The following KASH5 variants were observed in gnomAD, a reference collection of about 807,000 sequenced individuals.
KASH5 encodes the protein KASH domain containing 5, also known as protein KASH5.
A neutral mutation model predicts 84.2 loss-of-function variants in KASH5; 72 were observed. The ratio of observed to expected loss-of-function variants is 0.85; its 90% CI spans 0.71 to 1.04. The LOEUF (loss-of-function observed/expected upper bound fraction) is 1.04. Ranked by LOEUF, KASH5 falls within the 50% of genes least tolerant of loss-of-function variation. The pLI is 0.00. For synonymous variants in KASH5, 260 were observed against 279.1 expected (o/e 0.93, Z 0.68); for missense variants, 650 against 701.0 (o/e 0.93, Z 0.82).
In KASH5 at chr19:49,395,641, T is replaced by G; in HGVS notation, c.336-128T>G. On this transcript the variant is annotated intron_variant, in intron 4 of 19. Transcript: ENST00000447857. This position sits in a 1 kb window ranked among gnomAD's most constrained non-coding sequence, Gnocchi z 4.4. ...GGGCACTTGCCATCTGGCCTCACCC[T>G]CCTACCCTGTGGTGCCAGCTCTCAC... The G allele has an allele frequency of 1.1e-6, 1 of 918,054 alleles. No homozygotes were observed. Among genetic ancestry groups the G allele is most frequent in the Non-Finnish European group, 1.7e-6 (1 of 593,276 alleles). The allele number at this position is 918,054 out of a possible 1,614,324, so 56.9% of individuals were successfully genotyped here. A position where few individuals can be genotyped will look rare whatever the true frequency, so the allele number is the denominator to read the frequency against.
intron 2 of KASH5, 31 bp from the exon 3 acceptor site, chr19:49,394,445 A>T (rs1295160408): frequency 6.4e-7 from 1 of 1,564,042 alleles, no homozygotes; most frequent in Admixed American, 1.7e-5. Flanking sequence ...TATTCTTCCC[A>T]CTGGTGAGCT....
At chr19:49,411,031 C>G (rs1974693868) in intron 15 of KASH5, among the ~76,000 whole-genome samples, 1 of 152,002 alleles carries the variant, frequency 6.6e-6, no homozygotes, top group African/African-American at 2.4e-5. Flanking sequence ...CTCAATCTCC[C>G]TGGACTCAGG....
At chr19:49,396,211 C>T in intron 5 of KASH5, among the ~76,000 whole-genome samples, 1 of 151,088 alleles carries the variant, frequency 6.6e-6, no homozygotes, top group African/African-American at 2.4e-5. Flanking sequence ...TCAGGCTGTT[C>T]CCCTCCACTC....
chr19:49,393,682 C>CGTGCGTGTGTGT (rs1974075613), intron 2 of KASH5: 1 of 142,432 alleles, frequency 7.0e-6, no homozygotes, highest in Non-Finnish European at 1.5e-5. Context: ...GACCCCAGGA[C>CGTGCGTGTGTGT]GTGTGTGTGT....
In KASH5 at chr19:49,417,662, C is replaced by T. The variant is rs1364296487; in HGVS notation, c.*152C>T. 2 of 998,118 alleles carry T rather than the reference C, an allele frequency of 2.0e-6. No individual in the cohort carries two copies. Among genetic ancestry groups the T allele is most frequent in the Admixed American group, 3.6e-5 (1 of 27,900 alleles). The allele number at this position is 998,118 out of a possible 1,614,324, so 61.8% of individuals were successfully genotyped here. On this transcript the variant is annotated 3_prime_UTR_variant, in exon 20 of 20. Coordinates refer to ENST00000447857, the MANE Select transcript of KASH5 (RefSeq NM_144688.5). The surrounding 1 kb of genome is among the most constrained non-coding windows in gnomAD (Gnocchi z 5.2). ...ATCCCTGTATTTTTATGTGAAGTCT[C>T]CTAGTTTTTTAATGCTGACATTTCT...
At position 49,409,025 on chromosome 19, in the gene KASH5, C is replaced by A. The variant is rs1365672771; in HGVS notation, c.1052C>A (p.Pro351His). Residue 351 changes from proline to histidine, a missense_variant, in exon 13 of 20, where the codon CCC becomes CAC. Physicochemically the swap from Pro to His is moderately conservative, Grantham distance 77 (BLOSUM62 -2). Coordinates refer to ENST00000447857, the MANE Select transcript of KASH5 (RefSeq NM_144688.5). ...CAGCTGAGTCAGACCTATGAGGGGC[C>A]CGATGAGTGAGTGGAATTTCAAGGG... ...EEQLSQTYEG[P>H]DELPEGAQLR... The A allele has an allele frequency of 6.3e-7, 1 of 1,591,548 alleles. No homozygotes were observed. Among genetic ancestry groups the A allele is most frequent in the East Asian group, 2.3e-5 (1 of 43,946 alleles).
intron 6 of KASH5, 50 bp from the exon 7 acceptor site, chr19:49,397,932 A>G: frequency 1.3e-6 from 2 of 1,585,874 alleles, no homozygotes; most frequent in Non-Finnish European, 1.7e-6. Flanking sequence ...GACCCGGGGA[A>G]ATGAGTCAGG....
Position 49,412,964 on chromosome 19 carries a change from A to G in KASH5, c.1270-4A>G. 1 of 1,613,678 alleles carries G rather than the reference A, an allele frequency of 6.2e-7. No homozygotes were observed. The highest frequency in any genetic ancestry group is 8.5e-7 in the Non-Finnish European group (1 of 1,179,736). On this transcript the variant is annotated splice_polypyrimidine_tract_variant and splice_region_variant and intron_variant, in intron 15 of 19. Transcript: ENST00000447857. The surrounding 1 kb of genome is among the most constrained non-coding windows in gnomAD (Gnocchi z 4.6). ...GAGAAGAACTAACCTTTTTGTTTCCACAGAGAAACTTCCAGGGAGAGCCAG... is the reference window on the plus strand; with the variant it reads ...GAGAAGAACTAACCTTTTTGTTTCCGCAGAGAAACTTCCAGGGAGAGCCAG...
chr19:49,410,658 T>C (rs1974681413), intron 15 of KASH5, among the ~76,000 whole-genome samples: 1 of 152,162 alleles, frequency 6.6e-6, no homozygotes, highest in South Asian at 2.1e-4. Context: ...CTAATTTTTG[T>C]ATTTTTTTTA....
chr19:49,414,096 G>A lies in KASH5; in HGVS notation c.1329-855G>A, dbSNP rs527300003. Among the ~76,000 whole-genome samples the A allele has an allele frequency of 6.6e-6, 1 of 152,000 alleles. No individual in the cohort carries two copies. Among genetic ancestry groups the A allele is most frequent in the Non-Finnish European group, 1.5e-5 (1 of 67,978 alleles). ...CTGAGTCCCCAAAGCAGCATTTCAG[G>A]GACTCAGATGGCTGTGACCCTAGGA... is the stretch of plus-strand genomic sequence containing the variant. On this transcript the variant is annotated intron_variant, in intron 16 of 19. Coordinates refer to ENST00000447857, the MANE Select transcript of KASH5 (RefSeq NM_144688.5). The surrounding 1 kb of genome is among the most constrained non-coding windows in gnomAD (Gnocchi z 4.5).
Position 49,399,313 on chromosome 19 carries a change from T to A in KASH5, c.748-144T>A. The A allele has an allele frequency of 2.1e-6, 2 of 970,938 alleles. No homozygotes were observed. The highest frequency in any genetic ancestry group is 3.1e-6 in the Non-Finnish European group (2 of 646,508). 60.1% of individuals were successfully genotyped at this position (970,938 alleles called of 1,614,324 possible). A position where few individuals can be genotyped will look rare whatever the true frequency, so the allele number is the denominator to read the frequency against. On this transcript the variant is annotated intron_variant, in intron 8 of 19. Coordinates refer to ENST00000447857, the MANE Select transcript of KASH5 (RefSeq NM_144688.5). The surrounding 1 kb of genome is among the most constrained non-coding windows in gnomAD (Gnocchi z 4.4). ...TCAAGCTTACCTGCCATCCTTCTCATGACAAAGGAGACAGCAGGAGCCATC... is the reference window on the plus strand; with the variant it reads ...TCAAGCTTACCTGCCATCCTTCTCAAGACAAAGGAGACAGCAGGAGCCATC...
In KASH5 at chr19:49,390,808, T is replaced by C; in HGVS notation, c.-76T>C. The C allele has an allele frequency of 6.7e-7, 1 of 1,498,172 alleles. No homozygotes were observed. The highest frequency in any genetic ancestry group is 2.3e-5 in the Admixed American group (1 of 44,390). The allele number at this position is 1,498,172 out of a possible 1,614,324, so 92.8% of individuals were successfully genotyped here. On this transcript the variant is annotated 5_prime_UTR_variant, in exon 2 of 20. Transcript: ENST00000447857. ...TTCCAGGAGTGCTCGGGCCAGCTGG[T>C]CCTTTTCCCATCCCTCCCCATGAAG...
At position 49,403,385 on chromosome 19, in the gene KASH5, A is replaced by G. The variant is rs201318457; in HGVS notation, c.799-3501A>G. Among the ~76,000 whole-genome samples, 27 of 103,384 alleles carry G rather than the reference A, an allele frequency of 2.6e-4. 1 individual carries two copies. The highest frequency in any genetic ancestry group is 6.8e-3 in the Middle Eastern group (1 of 148). The allele number at this position is 103,384 out of a possible 152,430, so 67.8% of individuals were successfully genotyped here. A position where few individuals can be genotyped will look rare whatever the true frequency, so the allele number is the denominator to read the frequency against. ...AGACTCTGTCTCAAAATAAAAAAAA[A>G]GGGGGGGGGCAGCCAGGAAATGCCC... On this transcript the variant is annotated intron_variant, in intron 9 of 19. Coordinates refer to ENST00000447857, the MANE Select transcript of KASH5 (RefSeq NM_144688.5).
At chr19:49,409,168 T>C (rs1974630245) in intron 13 of KASH5, 28 bp from the exon 14 acceptor site, 2 of 1,610,002 alleles carry the variant, frequency 1.2e-6, no homozygotes, top group Non-Finnish European at 1.7e-6. Flanking sequence ...ACAGAGGCCA[T>C]CTTCCTCCCT....
chr19:49,409,047 AG>A lies in KASH5; in HGVS notation c.1058+20del, dbSNP rs150996964. On this transcript the variant is annotated intron_variant, in intron 13 of 19. Transcript: ENST00000447857. ...GGCCCGATGAGTGAGTGGAATTTCA[AG>A]GGGTAGGAGGAGGCAGGAGGGGAGC... The A allele has an allele frequency of 2.5e-3, 3,929 of 1,586,250 alleles. 73 individuals carry two copies. The African/African-American group carries it at 0.042, about 17-fold the overall frequency.
rs1974172053 is a variant in KASH5, at chr19:49,396,239, T to C, written c.400+406T>C. Among the ~76,000 whole-genome samples the C allele has an allele frequency of 2.3e-5, 3 of 132,514 alleles. No homozygotes were observed. In the South Asian group the frequency reaches 7.7e-4, roughly 34 times the overall value. 86.9% of individuals were successfully genotyped at this position (132,514 alleles called of 152,430 possible). On this transcript the variant is annotated intron_variant, in intron 5 of 19. Coordinates refer to ENST00000447857, the MANE Select transcript of KASH5 (RefSeq NM_144688.5). ...CTCCACTCCTTGCTCCCCACCCTGC[T>C]GGACTTTTTTTTTTTTTTTTTTTTT...
In KASH5 at chr19:49,409,157, C is replaced by T. The variant is rs756166461; in HGVS notation, c.1059-39C>T. 7 of 1,605,690 alleles carry T rather than the reference C, an allele frequency of 4.4e-6. No homozygotes were observed. The East Asian group carries it at 1.6e-4, about 36-fold the overall frequency. ...ATGAGCTGACTGAGTGGCCACCAGG[C>T]ACAGAGGCCATCTTCCTCCCTCCTT... On this transcript the variant is annotated intron_variant, in intron 13 of 19. Transcript: ENST00000447857.
Position 49,399,429 on chromosome 19 carries a change from C to T in KASH5, c.748-28C>T. The T allele has an allele frequency of 1.3e-6, 2 of 1,598,630 alleles. No individual in the cohort carries two copies. The highest frequency in any genetic ancestry group is 1.7e-6 in the Non-Finnish European group (2 of 1,170,008). On this transcript the variant is annotated intron_variant, in intron 8 of 19. Coordinates refer to ENST00000447857, the MANE Select transcript of KASH5 (RefSeq NM_144688.5). The surrounding 1 kb of genome is among the most constrained non-coding windows in gnomAD (Gnocchi z 4.4). ...GGGGGCAAGGAGGCTAGAAATGAAACCTTTGTCCTCTCTCTGGGGTTGGTC... is the reference window on the plus strand; with the variant it reads ...GGGGGCAAGGAGGCTAGAAATGAAATCTTTGTCCTCTCTCTGGGGTTGGTC...
intron 1 of KASH5, chr19:49,389,736 C>T (rs1183290386): frequency 1.3e-5 from 2 of 152,310 alleles, no homozygotes; most frequent in African/African-American, 4.8e-5. Flanking sequence ...GATAGCAGCG[C>T]CCAGGTCTCT....
Sources: gnomAD v4.1 joint callset for allele counts (sites outside exome capture counted in the v4.1 genomes callset) on GRCh38, gnomAD v4.1.1 for gene constraint, Gnocchi (gnomAD v3.1) non-coding constraint, MANE v1.5 for transcripts, NCBI Gene and HGNC (gene_info 2026-07-23, HGNC 2026-07-21) for gene names.